CPNE8: variants seen among roughly 807,000 people sequenced by gnomAD.
The protein encoded by CPNE8 is copine-8.
In CPNE8, 45 loss-of-function variants were observed where a neutral mutation model predicts 81.5. The ratio of observed to expected loss-of-function variants is 0.55; its 90% CI spans 0.44 to 0.71. The LOEUF is 0.71. Among genes scored for constraint, CPNE8 ranks in the 30% least tolerant of loss-of-function variants. The probability of loss-of-function intolerance (pLI) is 0.00; values close to 1 mark genes in which losing one functional copy is unlikely to be tolerated. For synonymous variants in CPNE8, 252 were observed against 226.3 expected (o/e 1.11, Z -1.02); for missense variants, 594 against 672.1 (o/e 0.88, Z 1.28).
chr12:38,693,063 T>G (rs1212896754), intron 15 of CPNE8, among the ~76,000 whole-genome samples: 4 of 152,172 alleles, frequency 2.6e-5, no homozygotes, highest in African/African-American at 9.7e-5. Flanking sequence ...AAGGGAGAGT[T>G]GTCCAGGCAA....
At chr12:38,815,162 C>G (rs1489392967) in intron 6 of CPNE8, among the ~76,000 whole-genome samples, 1 of 152,160 alleles carries the variant, frequency 6.6e-6, no homozygotes, top group African/African-American at 2.4e-5. Flanking sequence ...CAGGCTGGTG[C>G]CACCACTGGG....
intron 1 of CPNE8, 51 bp from the exon 2 acceptor site, chr12:38,874,562 T>C (rs1228815024): frequency 8.5e-7 from 1 of 1,171,042 alleles, no homozygotes; most frequent in Non-Finnish European, 1.3e-6. Flanking sequence ...AAAATATTTA[T>C]ATTTATATAG....
Position 38,681,215 on chromosome 12 carries a change from A to AT in CPNE8, c.1272-3662dup, listed in dbSNP as rs1323518748. Reference sequence around the variant, plus strand: ...GATGAAGAATTCTAGATGAATAGAAATTTTTTTTAAATGATAAGAACAGGA... The same window carrying AT: ...GATGAAGAATTCTAGATGAATAGAAATTTTTTTTTAAATGATAAGAACAGGA... On this transcript the variant is annotated intron_variant, in intron 16 of 19. Transcript: ENST00000331366. Among the ~76,000 whole-genome samples the AT allele has an allele frequency of 4.0e-5, 6 of 151,894 alleles. No homozygotes were observed. In the South Asian group the frequency reaches 1.0e-3, roughly 26 times the overall value.
At chr12:38,808,431 A>T (rs952148636) in intron 6 of CPNE8, among the ~76,000 whole-genome samples, 6 of 152,118 alleles carry the variant, frequency 3.9e-5, no homozygotes, top group African/African-American at 1.4e-4. Context: ...GCCATAAAAA[A>T]TGATGAGTTC....
chr12:38,902,419 A>AAAG (rs1565670435), intron 1 of CPNE8, among the ~76,000 whole-genome samples: 6,891 of 96,108 alleles, frequency 0.072, 595 homozygotes, highest in Admixed American at 0.1. Flanking sequence ...AAGAAAGAAA[A>AAAG]AGAAAGAAAG....
chr12:38,683,868 G>A (rs1323241759), intron 16 of CPNE8, among the ~76,000 whole-genome samples: 1 of 152,002 alleles, frequency 6.6e-6, no homozygotes, highest in Non-Finnish European at 1.5e-5. Context: ...CTTACAAAAT[G>A]ATAGATAAAA....
intron 3 of CPNE8, among the ~76,000 whole-genome samples, chr12:38,859,544 A>C (rs974840018): frequency 6.6e-6 from 1 of 152,152 alleles, no homozygotes; most frequent in African/African-American, 2.4e-5. Context: ...CAAAATCCTA[A>C]TGACATTTTT....
At chr12:38,683,925 T>C (rs1307484202) in intron 16 of CPNE8, among the ~76,000 whole-genome samples, 2 of 152,116 alleles carry the variant, frequency 1.3e-5, no homozygotes, top group African/African-American at 4.8e-5. Flanking sequence ...TTTAAATGTA[T>C]ATAGAAATGC....
intron 1 of CPNE8, among the ~76,000 whole-genome samples, chr12:38,899,065 C>A (rs1293096850): frequency 1.3e-5 from 2 of 152,144 alleles, no homozygotes; most frequent in African/African-American, 4.8e-5. Context: ...ATTATAAAAT[C>A]ATACAACCCC....
chr12:38,894,658 ACTCTCTCTCTCTCTCTCTCTCTCTCT>A (rs60538878), intron 1 of CPNE8, among the ~76,000 whole-genome samples: 84 of 124,550 alleles, frequency 6.7e-4, no homozygotes, highest in African/African-American at 2.3e-3. Flanking sequence ...ACTCCAGCTC[ACTCTCTCTCTCTCTCTCTCTCTCTCT>A]CTCTCTCTCT....
At chr12:38,779,577 T>C (rs1372467050) in intron 6 of CPNE8, among the ~76,000 whole-genome samples, 3 of 152,162 alleles carry the variant, frequency 2.0e-5, no homozygotes, top group African/African-American at 4.8e-5. Context: ...ATCACTTGAG[T>C]AGTTACCAAA....
intron 4 of CPNE8, 141 bp from the exon 5 acceptor site, chr12:38,840,096 A>C: frequency 1.2e-6 from 1 of 823,520 alleles, no homozygotes; most frequent in African/African-American, 1.7e-5. Flanking sequence ...CAAATTTTAA[A>C]GTTTCACATA....
Position 38,723,818 on chromosome 12 carries a change from AAG to A in CPNE8, c.866_867del (p.Ser289PhefsTer11). The A allele has an allele frequency of 6.3e-7, 1 of 1,581,648 alleles. No individual in the cohort carries two copies. The highest frequency in any genetic ancestry group is 8.7e-7 in the Non-Finnish European group (1 of 1,152,558). ...AATGAAACTTCTGTTTCTACCAAGA[AAG>A]AGAGTAAAGTTACCTGAAAAAGAAA... ...YTNSGTVTLL[S>X]FLVETEVSFL... On this transcript the variant is annotated frameshift_variant, in exon 13 of 20. Transcript: ENST00000331366. LOFTEE classifies it high-confidence loss of function.
intron 11 of CPNE8, among the ~76,000 whole-genome samples, chr12:38,729,881 G>A (rs1940791395): frequency 6.6e-6 from 1 of 151,866 alleles, no homozygotes; most frequent in Admixed American, 6.6e-5. Context: ...CACCTAAACG[G>A]TAGTGAAGGT....
At chr12:38,817,385 T>C (rs909735914) in intron 6 of CPNE8, among the ~76,000 whole-genome samples, 1 of 152,188 alleles carries the variant, frequency 6.6e-6, no homozygotes, top group Non-Finnish European at 1.5e-5. Flanking sequence ...AGTTGAGCCC[T>C]GTTTATCTCA....
chr12:38,835,679 C>T (rs1565641627), intron 5 of CPNE8, among the ~76,000 whole-genome samples: 1 of 152,152 alleles, frequency 6.6e-6, no homozygotes, highest in Non-Finnish European at 1.5e-5. Flanking sequence ...TCTTGCCCCA[C>T]TTAAAAATCT....
chr12:38,835,920 G>A (rs938122271), intron 5 of CPNE8, among the ~76,000 whole-genome samples: 1 of 152,096 alleles, frequency 6.6e-6, no homozygotes, highest in African/African-American at 2.4e-5. Context: ...GTGGATAAAT[G>A]TATTTTGGAT....
intron 6 of CPNE8, among the ~76,000 whole-genome samples, chr12:38,802,785 G>A (rs1942708166): frequency 7.0e-6 from 1 of 142,228 alleles, no homozygotes; most frequent in East Asian, 2.2e-4. Context: ...AAAAAAGAGA[G>A]AAGAATCAAA....
intron 6 of CPNE8, among the ~76,000 whole-genome samples, chr12:38,826,340 C>G (rs1817299055): frequency 6.6e-6 from 1 of 152,138 alleles, no homozygotes; most frequent in African/African-American, 2.4e-5. Context: ...ATAAAGTTGT[C>G]TAAATTTCAG....
Sources: gnomAD v4.1 joint callset for allele counts (sites outside exome capture counted in the v4.1 genomes callset) on GRCh38, gnomAD v4.1.1 for gene constraint, MANE v1.5 for transcripts, NCBI Gene and HGNC (gene_info 2026-07-23, HGNC 2026-07-21) for gene names.